The following VAC14 variants were observed in gnomAD, a reference collection of about 807,000 sequenced individuals.
The protein encoded by VAC14 is protein VAC14 homolog.
VAC14 carries 47 observed loss-of-function variants against 85.3 expected under a neutral mutation model. The observed-to-expected ratio is 0.55, with a 90% CI of 0.44 to 0.70. The LOEUF (loss-of-function observed/expected upper bound fraction) is 0.70, where lower values mean the gene tolerates loss of function less well. Ranked by LOEUF, VAC14 falls within the 30% of genes least tolerant of loss-of-function variation. The probability of loss-of-function intolerance (pLI) is 0.00; values close to 1 mark genes in which losing one functional copy is unlikely to be tolerated. For synonymous variants in VAC14, 447 were observed against 430.5 expected, an observed-to-expected ratio of 1.04 and a Z score of -0.47; for missense variants, 861 against 1,004.3, an observed-to-expected ratio of 0.86 and a Z score of 1.93.
intron 14 of VAC14, among the ~76,000 whole-genome samples, chr16:70,724,677 C>A (rs1179630002): frequency 6.6e-6 from 1 of 152,174 alleles, no homozygotes; most frequent in African/African-American, 2.4e-5. Context: ...CCTTGCATGG[C>A]GACAAAAACA....
At chr16:70,692,735 C>T in intron 18 of VAC14, 86 bp downstream of exon 18, 1 of 1,519,086 alleles carries the variant, frequency 6.6e-7, no homozygotes. Context: ...GCCTCAGCAG[C>T]CCCTGGCAAG....
At chr16:70,699,121 G>C (rs2053771690) in intron 14 of VAC14, 1 of 313,574 alleles carries the variant, frequency 3.2e-6, no homozygotes, top group Non-Finnish European at 6.1e-6. Context: ...TAGTTCCTGA[G>C]ATCCCGTCAC....
chr16:70,725,562 G>C (rs2054404303), intron 14 of VAC14, among the ~76,000 whole-genome samples: 1 of 151,002 alleles, frequency 6.6e-6, no homozygotes, highest in Admixed American at 6.6e-5. Context: ...CCAACACAAG[G>C]GCTCTTATGC....
rs2032434770 is a variant in VAC14, at chr16:70,762,081, G to C, written c.1371+459C>G. Among the ~76,000 whole-genome samples the C allele has an allele frequency of 6.6e-6, 1 of 151,356 alleles. No homozygotes were observed. Among genetic ancestry groups the C allele is most frequent in the African/African-American group, 2.4e-5 (1 of 40,872 alleles). ...CTGCTCCAGAAGGGACTACAGAAGAGTCCTCACTCCTAAAGTGAGTTTTTT... is the reference window on the plus strand; with the variant it reads ...CTGCTCCAGAAGGGACTACAGAAGACTCCTCACTCCTAAAGTGAGTTTTTT... On this transcript the variant is annotated intron_variant, in intron 12 of 18. Transcript: ENST00000261776. This position sits in a 1 kb window ranked among gnomAD's most constrained non-coding sequence, Gnocchi z 4.1.
intron 15 of VAC14, 46 bp from the exon 16 acceptor site, chr16:70,697,303 C>A (rs755225701): frequency 1.3e-6 from 2 of 1,539,896 alleles, no homozygotes; most frequent in Non-Finnish European, 1.8e-6. Context: ...CTGCTCCTTG[C>A]CCCTACCCGG....
chr16:70,775,882 G>C (rs371823596), intron 9 of VAC14, among the ~76,000 whole-genome samples: 4 of 152,332 alleles, frequency 2.6e-5, no homozygotes, highest in African/African-American at 7.2e-5. Context: ...GGACTGCTGA[G>C]GGGAAGGATT....
chr16:70,741,988 C>G (rs2030364475), intron 13 of VAC14, among the ~76,000 whole-genome samples: 1 of 152,236 alleles, frequency 6.6e-6, no homozygotes, highest in African/African-American at 2.4e-5. Flanking sequence ...CTCCCTCCGG[C>G]CCAGGCTGCC....
chr16:70,791,515 G>A (rs2034338783), intron 1 of VAC14, among the ~76,000 whole-genome samples: 1 of 152,164 alleles, frequency 6.6e-6, no homozygotes, highest in African/African-American at 2.4e-5. Context: ...CTCCTGAGTA[G>A]CTGGAGTCAC....
At chr16:70,726,873 G>A (rs1014228933) in intron 14 of VAC14, among the ~76,000 whole-genome samples, 1 of 152,222 alleles carries the variant, frequency 6.6e-6, no homozygotes, top group Admixed American at 6.5e-5. Flanking sequence ...AAAGGAGGCT[G>A]TGTGGACACC....
intron 18 of VAC14, chr16:70,691,829 T>A (rs1597844343): frequency 1.0e-6 from 1 of 985,158 alleles, no homozygotes; most frequent in Non-Finnish European, 1.2e-6. Context: ...ATGCCAGCGG[T>A]GTGGAGGGCA....
rs146487212 is a variant in VAC14 at position 70,759,043 on chromosome 16, C to T, written c.1371+3497G>A. 1.5e-3 allele frequency among the ~76,000 whole-genome samples: 229 copies of T among 152,256 alleles called. 1 individual carries two copies. The highest frequency in any genetic ancestry group is 5.2e-3 in the African/African-American group (214 of 41,536). On this transcript the variant is annotated intron_variant, in intron 12 of 18. Transcript: ENST00000261776. ...AACAATGGCAGACGAGACACCCCAG[C>T]GAGGCCACGCACCCGTGGGACTGAC... is the stretch of plus-strand genomic sequence containing the variant.
chr16:70,704,598 C>G (rs2053887964), intron 14 of VAC14, among the ~76,000 whole-genome samples: 1 of 152,154 alleles, frequency 6.6e-6, no homozygotes, highest in Admixed American at 6.5e-5. Context: ...CTGGTTAGTT[C>G]CTGCAGGCCT....
chr16:70,744,396 G>C lies in VAC14; in HGVS notation c.1528+27C>G, dbSNP rs201024475. ...CCGGCACTGGCACTAAGGCCCCTGA[G>C]GCTAGAACCTTCAGGAGAAGACTTA... On this transcript the variant is annotated intron_variant, in intron 13 of 18. Coordinates refer to ENST00000261776, the MANE Select transcript of VAC14 (RefSeq NM_018052.5). 1.4e-4 allele frequency: 228 copies of C among 1,613,772 alleles called. No homozygotes were observed. The East Asian group carries it at 4.3e-3, about 31-fold the overall frequency.
In VAC14 at chr16:70,748,379, A is replaced by G. The variant is rs183660858; in HGVS notation, c.1372-3800T>C. On this transcript the variant is annotated intron_variant, in intron 12 of 18. Transcript: ENST00000261776. ...GGTGGTGAGCATTTACTGATAATAC[A>G]GGGCGGGTGCCAGGGACCCAGTGAT... Among the ~76,000 whole-genome samples the G allele has an allele frequency of 8.0e-4, 122 of 152,302 alleles. 1 individual carries two copies. The highest frequency in any genetic ancestry group is 1.4e-3 in the Non-Finnish European group (93 of 68,026).
At chr16:70,742,336 G>A (rs1186237930) in intron 13 of VAC14, among the ~76,000 whole-genome samples, 6 of 139,788 alleles carry the variant, frequency 4.3e-5, no homozygotes, top group Non-Finnish European at 7.8e-5. Flanking sequence ...CTCCCCACCC[G>A]ACCCTCCCTT....
At chr16:70,703,650 G>A (rs941804859) in intron 14 of VAC14, among the ~76,000 whole-genome samples, 3 of 152,228 alleles carry the variant, frequency 2.0e-5, no homozygotes, top group Non-Finnish European at 4.4e-5. Context: ...GTCTTGGGCT[G>A]CTGGCTGCCG....
intron 3 of VAC14, 80 bp downstream of exon 3, chr16:70,785,622 A>C: frequency 6.9e-7 from 1 of 1,446,162 alleles, no homozygotes; most frequent in Non-Finnish European, 9.2e-7. Context: ...ATCTGGGAAA[A>C]GGGGTCCAAG....
At chr16:70,750,992 C>T (rs1038858114) in intron 12 of VAC14, among the ~76,000 whole-genome samples, 10 of 152,132 alleles carry the variant, frequency 6.6e-5, no homozygotes, top group Non-Finnish European at 2.9e-5. Flanking sequence ...AGTCCCAGGG[C>T]GAGGCACTCA....
rs1359731826 is a variant in VAC14, at chr16:70,780,793, T to C, written c.1093A>G (p.Ser365Gly). The C allele has an allele frequency of 6.3e-7, 1 of 1,597,360 alleles. No homozygotes were observed. Among genetic ancestry groups the C allele is most frequent in the Non-Finnish European group, 8.5e-7 (1 of 1,170,014 alleles). ...DALPKQEGTA[S>G]GGPDGSCDSS... ...TGTAGGGACGGAGTCCACTCACCAC[T>C]GGCTGTGCCCTCCTGCTTTGGCAGG... Residue 365 changes from serine to glycine, a missense_variant, in exon 9 of 19, where the codon AGT becomes GGT. Ser to Gly is a moderately conservative substitution (Grantham distance 56). This residue lies in a region of VAC14 where 629 missense variants were observed against 703.1 expected (regional missense o/e 0.89). Transcript: ENST00000261776.
Sources: allele counts gnomAD v4.1 joint callset (sites outside exome capture counted in the v4.1 genomes callset), GRCh38; gene constraint gnomAD v4.1.1; regional missense constraint gnomAD v4.1.1; non-coding constraint Gnocchi (gnomAD v3.1); transcripts MANE v1.5; gene names NCBI Gene and HGNC (gene_info 2026-07-23, HGNC 2026-07-21).